LRP12: variants seen among roughly 807,000 people sequenced by gnomAD.
The protein encoded by LRP12 is LDL receptor related protein 12.
In LRP12, 14 loss-of-function variants were observed where a neutral mutation model predicts 66.0. The ratio of observed to expected loss-of-function variants is 0.21; its 90% CI spans 0.14 to 0.33. LRP12 has a LOEUF of 0.33. Ranked by LOEUF, LRP12 falls within the 10% of genes least tolerant of loss-of-function variation. LRP12 has a pLI of 1.00. For synonymous variants in LRP12, 357 were observed against 359.1 expected, an observed-to-expected ratio of 0.99 and a Z score of 0.07; for missense variants, 889 against 1,053.4, an observed-to-expected ratio of 0.84 and a Z score of 2.16.
intron 1 of LRP12, among the ~76,000 whole-genome samples, chr8:104,545,557 G>C (rs1811543049): frequency 6.6e-6 from 1 of 152,110 alleles, no homozygotes; most frequent in South Asian, 2.1e-4. Flanking sequence ...CTGACAGTCA[G>C]CAGCCATCAA....
chr8:104,512,096 A>C (rs1334677342), intron 2 of LRP12, among the ~76,000 whole-genome samples: 1 of 152,228 alleles, frequency 6.6e-6, no homozygotes, highest in Non-Finnish European at 1.5e-5. Context: ...AAAGATAGCT[A>C]AGTTATTTGT....
At chr8:104,542,022 G>C (rs963492310) in intron 1 of LRP12, among the ~76,000 whole-genome samples, 8 of 152,032 alleles carry the variant, frequency 5.3e-5, no homozygotes, top group Non-Finnish European at 7.4e-5. Context: ...AGAGAGAGTG[G>C]AACTGGTGGG....
intron 1 of LRP12, among the ~76,000 whole-genome samples, chr8:104,552,222 G>T (rs1015799124): frequency 6.6e-6 from 1 of 152,082 alleles, no homozygotes; most frequent in Admixed American, 6.5e-5. Flanking sequence ...AAGGGACTTT[G>T]CTCTGCATTA....
At chr8:104,545,907 T>C (rs1037090644) in intron 1 of LRP12, among the ~76,000 whole-genome samples, 6 of 152,036 alleles carry the variant, frequency 3.9e-5, no homozygotes, top group African/African-American at 1.4e-4. Flanking sequence ...CAGTGGGTAA[T>C]TAGCTTGTAG....
chr8:104,536,021 G>A (rs1313806796), intron 1 of LRP12, among the ~76,000 whole-genome samples: 1 of 151,998 alleles, frequency 6.6e-6, no homozygotes. Context: ...TGCTCAGTGA[G>A]AATAGTTATC....
chr8:104,521,015 T>G (rs1335086261), intron 2 of LRP12, among the ~76,000 whole-genome samples: 3 of 152,080 alleles, frequency 2.0e-5, no homozygotes, highest in Non-Finnish European at 4.4e-5. Context: ...ATACAACCTG[T>G]TCTGTCTATA....
intron 2 of LRP12, among the ~76,000 whole-genome samples, chr8:104,518,272 C>T (rs1468219527): frequency 6.6e-6 from 1 of 151,932 alleles, no homozygotes; most frequent in East Asian, 1.9e-4. Context: ...CTGGCAGGTA[C>T]CTTAATACTT....
chr8:104,506,282 C>T lies in LRP12; in HGVS notation c.272+2657G>A, dbSNP rs529495556. The T allele has an allele frequency of 2.6e-5, 4 of 152,058 alleles. No homozygotes were observed. The South Asian group carries it at 6.2e-4, about 24-fold the overall frequency. The allele number at this position is 152,058 out of a possible 1,614,324, so 9.4% of individuals were successfully genotyped here. On this transcript the variant is annotated intron_variant, in intron 3 of 6. Transcript: ENST00000276654. ...TTACCAGAATACTAGGTGGCCGTGG[C>T]ATAAAGAAAGTTAAGAAATAATTCC...
At position 104,535,885 on chromosome 8, in the gene LRP12, A is replaced by G. The variant is rs562048820; in HGVS notation, c.80-3922T>C. 7.9e-5 allele frequency among the ~76,000 whole-genome samples: 12 copies of G among 152,218 alleles called. No homozygotes were observed. The South Asian group carries it at 2.3e-3, about 29-fold the overall frequency. Reference sequence around the variant, plus strand: ...CTTGCTTGTAAAAGAAATAGTGCTTAGCTCTCAGAATTAAAATCTACCTGC... The same window carrying G: ...CTTGCTTGTAAAAGAAATAGTGCTTGGCTCTCAGAATTAAAATCTACCTGC... On this transcript the variant is annotated intron_variant, in intron 1 of 6. Coordinates refer to ENST00000276654, the MANE Select transcript of LRP12 (RefSeq NM_013437.5).
chr8:104,548,163 TTA>T (rs1811634934), intron 1 of LRP12, among the ~76,000 whole-genome samples: 1 of 59,036 alleles, frequency 1.7e-5, no homozygotes, highest in Non-Finnish European at 2.9e-5. Context: ...TTAATAATTA[TTA>T]TATATAATAT....
At chr8:104,573,412 A>ACTTCTAATG (rs1254345392) in intron 1 of LRP12, among the ~76,000 whole-genome samples, 2 of 152,140 alleles carry the variant, frequency 1.3e-5, no homozygotes, top group Admixed American at 1.3e-4. Flanking sequence ...TCCTGCCTTC[A>ACTTCTAATG]GATGTGAGTT....
chr8:104,508,263 A>G (rs1255781265), intron 3 of LRP12: 1 of 152,076 alleles, frequency 6.6e-6, no homozygotes, highest in Non-Finnish European at 1.5e-5. Context: ...ATTCTTTACA[A>G]TCTTATTCCC....
intron 1 of LRP12, among the ~76,000 whole-genome samples, chr8:104,577,034 G>C (rs570046961): frequency 1.3e-5 from 2 of 152,104 alleles, no homozygotes; most frequent in Admixed American, 6.5e-5. Flanking sequence ...AATTCAACAG[G>C]AAGATTTTAA....
intron 1 of LRP12, among the ~76,000 whole-genome samples, chr8:104,548,066 ATATATAATTCTGTTATATTATATTTTG>A (rs1477804821): frequency 7.8e-4 from 93 of 119,646 alleles, no homozygotes; most frequent in African/African-American, 2.6e-3. Flanking sequence ...TTTGTATATA[ATATATAATTCTGTTATATTATATTTTG>A]TATATAATTC....
At chr8:104,503,555 T>C (rs1260329239) in intron 3 of LRP12, among the ~76,000 whole-genome samples, 1 of 152,116 alleles carries the variant, frequency 6.6e-6, no homozygotes, top group African/African-American at 2.4e-5. Context: ...TTAGAATATA[T>C]TGAGTCAGGG....
At chr8:104,550,500 G>C (rs1263963058) in intron 1 of LRP12, among the ~76,000 whole-genome samples, 2 of 152,218 alleles carry the variant, frequency 1.3e-5, no homozygotes, top group East Asian at 3.9e-4. Context: ...AGGTAGGTGT[G>C]AGACTAAACT....
chr8:104,548,375 T>A (rs1407720160), intron 1 of LRP12, among the ~76,000 whole-genome samples: 1 of 65,648 alleles, frequency 1.5e-5, no homozygotes, highest in Non-Finnish European at 2.5e-5. Context: ...ATAAATATAT[T>A]ATATAAATAT....
chr8:104,495,388 G>T (rs1810707975), intron 5 of LRP12, 179 bp from the exon 6 acceptor site: 2 of 560,870 alleles, frequency 3.6e-6, no homozygotes, highest in East Asian at 5.9e-5. Context: ...ATACAAAGCT[G>T]ACGCAGGCAG....
intron 4 of LRP12, 72 bp downstream of exon 4, chr8:104,499,245 A>G: frequency 8.4e-7 from 1 of 1,188,316 alleles, no homozygotes; most frequent in Non-Finnish European, 1.2e-6. Flanking sequence ...TACTTAGAAG[A>G]TTAGCTCCGA....
Sources: gnomAD v4.1 joint callset for allele counts (sites outside exome capture counted in the v4.1 genomes callset) on GRCh38, gnomAD v4.1.1 for gene constraint, MANE v1.5 for transcripts, NCBI Gene and HGNC (gene_info 2026-07-23, HGNC 2026-07-21) for gene names.